The following SRBD1 variants were observed in gnomAD, a reference collection of about 807,000 sequenced individuals.
SRBD1 encodes the protein S1 RNA binding domain 1.
A neutral mutation model predicts 115.3 loss-of-function variants in SRBD1; 88 were observed. The observed-to-expected ratio is 0.76, with a 90% CI of 0.64 to 0.91. SRBD1 has a LOEUF of 0.91. SRBD1 is among the 40% of genes least tolerant of loss of function. The pLI is 0.00. For synonymous variants in SRBD1, 509 were observed against 407.7 expected (o/e 1.25, Z -2.99); for missense variants, 1,385 against 1,177.4 (o/e 1.18, Z -2.58).
intron 9 of SRBD1, among the ~76,000 whole-genome samples, 183 bp downstream of exon 9, chr2:45,573,024 T>C (rs553612599): frequency 6.6e-6 from 1 of 152,250 alleles, no homozygotes; most frequent in South Asian, 2.1e-4. Flanking sequence ...CTTGTTAACT[T>C]CTCCGGGTCA....
chr2:45,585,493 A>G (rs1572808599), intron 5 of SRBD1, 115 bp downstream of exon 5: 1 of 1,175,324 alleles, frequency 8.5e-7, no homozygotes, highest in South Asian at 1.4e-5. Context: ...CCAGATTACA[A>G]TAATTCAAGG....
rs781749508 is a variant in SRBD1 at position 45,553,642 on chromosome 2, G to T, written c.1498C>A (p.Leu500Ile). Residue 500 changes from leucine (L) to isoleucine (I), a missense_variant, in exon 11 of 21, where the codon CTT becomes ATT. Transcript: ENST00000263736. ...NDSFKRLIYP[L>I]LCREFRAKLT... ...ATATACCTGAATTCTCTACAGAGAA[G>T]AGGATAAATAAGGCGTTTAAAGGAA... 1 of 1,597,166 alleles carries T rather than the reference G, an allele frequency of 6.3e-7. No homozygotes were observed. The highest frequency in any genetic ancestry group is 8.5e-7 in the Non-Finnish European group (1 of 1,173,726).
chr2:45,459,397 T>A (rs1164601198), intron 16 of SRBD1, among the ~76,000 whole-genome samples: 1 of 152,172 alleles, frequency 6.6e-6, no homozygotes, highest in Non-Finnish European at 1.5e-5. Flanking sequence ...GATCCTTTGT[T>A]TTGGAAGCTT....
intron 2 of SRBD1, among the ~76,000 whole-genome samples, chr2:45,604,001 A>G (rs1351401418): frequency 1.3e-5 from 2 of 152,032 alleles, no homozygotes; most frequent in South Asian, 2.1e-4. Flanking sequence ...TCTTTCCAAA[A>G]TGTCTGTCAT....
At chr2:45,415,394 GTATGTATATACACACATATAGTGTGTATA>G (rs1442067850) in intron 18 of SRBD1, among the ~76,000 whole-genome samples, 28 of 82,512 alleles carry the variant, frequency 3.4e-4, no homozygotes, top group African/African-American at 7.8e-4. Flanking sequence ...TGTGTATATA[GTATGTATATACACACATATAGTGTGTATA>G]TGTGTATATA....
chr2:45,546,899 A>C, intron 13 of SRBD1, 60 bp from the exon 14 acceptor site: 1 of 1,484,384 alleles, frequency 6.7e-7, no homozygotes, highest in Non-Finnish European at 9.4e-7. Context: ...AATCAGCTGG[A>C]GAAAATGTAC....
rs1225139607 is a variant in SRBD1 at position 45,393,062 on chromosome 2, A to T, written c.2581T>A (p.Ser861Thr). ...TCCATTCCTTCCTTTTCAAGGAATG[A>T]ATTTATTTTTTGTTGCATTTCAGGC... ...GKPEMQQKIN[S>T]FLEKEGMEKI... Residue 861 changes from serine to threonine, a missense_variant, in exon 20 of 21, where the codon TCA (serine) becomes ACA (threonine). Coordinates refer to ENST00000263736, the MANE Select transcript of SRBD1 (RefSeq NM_018079.5). 1.9e-6 allele frequency: 3 copies of T among 1,613,914 alleles called. No individual in the cohort carries two copies. Among genetic ancestry groups the T allele is most frequent in the Non-Finnish European group, 2.5e-6 (3 of 1,179,984 alleles).
intron 5 of SRBD1, 73 bp from the exon 6 acceptor site, chr2:45,581,883 A>T: frequency 8.1e-7 from 1 of 1,234,246 alleles, no homozygotes; most frequent in South Asian, 1.3e-5. Context: ...CCTCAAACTT[A>T]CAGAAAAGTT....
intron 14 of SRBD1, among the ~76,000 whole-genome samples, chr2:45,494,921 TTTTG>T (rs1341521832): frequency 6.6e-6 from 1 of 152,102 alleles, no homozygotes; most frequent in Non-Finnish European, 1.5e-5. Flanking sequence ...ATTACCAGCG[TTTTG>T]TTTTTGTTTT....
chr2:45,472,768 T>C (rs973266107), intron 16 of SRBD1, among the ~76,000 whole-genome samples: 5 of 152,236 alleles, frequency 3.3e-5, no homozygotes, highest in East Asian at 1.9e-4. Context: ...CTTGAAGCTA[T>C]GCTGTTAGGT....
At position 45,510,920 on chromosome 2, in the gene SRBD1, T is replaced by C. The variant is rs1396736825; in HGVS notation, c.1875-22589A>G. ...ACTCCTTTTTGAAAGGCTTTTCAAA[T>C]GAACAAATACAAAGAAAAAAAGAGA... On this transcript the variant is annotated intron_variant, in intron 14 of 20. Transcript: ENST00000263736. 3.3e-5 allele frequency among the ~76,000 whole-genome samples: 5 copies of C among 152,272 alleles called. No individual in the cohort carries two copies. In the South Asian group the frequency reaches 1.0e-3, roughly 32 times the overall value.
chr2:45,410,040 AC>A (rs1346464787), intron 19 of SRBD1, among the ~76,000 whole-genome samples: 1 of 152,214 alleles, frequency 6.6e-6, no homozygotes, highest in African/African-American at 2.4e-5. Context: ...ATATATTAAA[AC>A]CCCCAAAACT....
At chr2:45,449,314 G>A (rs1159349564) in intron 16 of SRBD1, among the ~76,000 whole-genome samples, 2 of 152,168 alleles carry the variant, frequency 1.3e-5, no homozygotes. Context: ...CACTCCCTCA[G>A]AAGGACAGAG....
At chr2:45,399,610 G>T (rs1667239237) in intron 19 of SRBD1, among the ~76,000 whole-genome samples, 1 of 152,048 alleles carries the variant, frequency 6.6e-6, no homozygotes, top group South Asian at 2.1e-4. Context: ...TCATTAGCAG[G>T]CCTACCCTTT....
chr2:45,417,670 T>C (rs1280602295), intron 18 of SRBD1, among the ~76,000 whole-genome samples: 1 of 152,246 alleles, frequency 6.6e-6, no homozygotes, highest in Non-Finnish European at 1.5e-5. Flanking sequence ...TAACAAGCTT[T>C]TGTGCTTTCA....
chr2:45,446,550 G>T (rs146965758), intron 16 of SRBD1, among the ~76,000 whole-genome samples: 1 of 152,024 alleles, frequency 6.6e-6, no homozygotes, highest in African/African-American at 2.4e-5. Flanking sequence ...GTGAAGTCTG[G>T]TCCTAACAGT....
chr2:45,572,644 A>C (rs1463263357), intron 9 of SRBD1, among the ~76,000 whole-genome samples: 1 of 152,130 alleles, frequency 6.6e-6, no homozygotes, highest in Non-Finnish European at 1.5e-5. Flanking sequence ...AAATGTCATG[A>C]TATATGTAAA....
intron 16 of SRBD1, among the ~76,000 whole-genome samples, chr2:45,433,446 A>G (rs1005072661): frequency 1.3e-5 from 2 of 152,228 alleles, no homozygotes; most frequent in Non-Finnish European, 2.9e-5. Flanking sequence ...CCAGGAAAAA[A>G]AAAGCTTTAC....
At chr2:45,414,481 G>C (rs559431820) in intron 18 of SRBD1, among the ~76,000 whole-genome samples, 2 of 140,380 alleles carry the variant, frequency 1.4e-5, no homozygotes, top group East Asian at 4.1e-4. Flanking sequence ...TATAGTGTGT[G>C]TGTACAGTGT....
Sources: allele counts gnomAD v4.1 joint callset (sites outside exome capture counted in the v4.1 genomes callset), GRCh38; gene constraint gnomAD v4.1.1; transcripts MANE v1.5; gene names NCBI Gene and HGNC (gene_info 2026-07-23, HGNC 2026-07-21).